Variants in SNX9 observed in about 807,000 individuals in gnomAD.
SNX9 encodes the protein sorting nexin 9.
A neutral mutation model predicts 89.4 loss-of-function variants in SNX9; 44 were observed. The observed-to-expected ratio is 0.49, with a 90% CI of 0.39 to 0.63. The LOEUF is 0.63. SNX9 is among the 30% of genes least tolerant of loss of function. The pLI is 0.00. For missense variants in SNX9, 578 were observed against 736.1 expected (o/e 0.79, Z 2.49); for synonymous variants, 236 against 247.8 (o/e 0.95, Z 0.45).
chr6:157,941,951 T>C (rs933655192), intron 17 of SNX9, among the ~76,000 whole-genome samples: 2 of 152,260 alleles, frequency 1.3e-5, no homozygotes, highest in Non-Finnish European at 2.9e-5. Context: ...TTGCCTTTCA[T>C]TGTATATTAG....
intron 1 of SNX9, among the ~76,000 whole-genome samples, chr6:157,837,822 G>A (rs1037264517): frequency 5.3e-5 from 8 of 152,296 alleles, no homozygotes; most frequent in African/African-American, 1.2e-4. Flanking sequence ...TGAAGCCGTC[G>A]TTGGCATTTA....
At chr6:157,844,409 G>T (rs570812429) in intron 1 of SNX9, among the ~76,000 whole-genome samples, 150 of 142,916 alleles carry the variant, frequency 1.0e-3, no homozygotes, top group African/African-American at 4.3e-3. Flanking sequence ...CTGGGTGGGG[G>T]CCACAAGATC....
intron 2 of SNX9, among the ~76,000 whole-genome samples, chr6:157,871,848 C>A (rs1195486547): frequency 2.7e-5 from 4 of 145,520 alleles, no homozygotes; most frequent in African/African-American, 1.0e-4. Context: ...GTGATCTTGG[C>A]TCACTGTAAC....
intron 7 of SNX9, among the ~76,000 whole-genome samples, chr6:157,909,153 T>C (rs187186194): frequency 8.5e-5 from 13 of 152,326 alleles, no homozygotes; most frequent in African/African-American, 2.6e-4. Flanking sequence ...CAAAGTATGG[T>C]CCACAGACCA....
At chr6:157,897,054 C>A in intron 5 of SNX9, 56 bp downstream of exon 5, 1 of 1,483,812 alleles carries the variant, frequency 6.7e-7, no homozygotes, top group Non-Finnish European at 9.0e-7. Flanking sequence ...GTGGGAGAGA[C>A]AGGGAAGACC....
intron 1 of SNX9, among the ~76,000 whole-genome samples, chr6:157,826,663 G>C (rs1254974974): frequency 1.5e-5 from 2 of 131,086 alleles, no homozygotes; most frequent in Admixed American, 7.2e-5. Context: ...TAATACAAAA[G>C]CTGCAGAGCA....
intron 1 of SNX9, among the ~76,000 whole-genome samples, chr6:157,844,600 G>GTTTTTTTGTT: frequency 7.6e-6 from 1 of 131,832 alleles, no homozygotes; most frequent in East Asian, 2.3e-4. Flanking sequence ...TTTTTTTTTT[G>GTTTTTTTGTT]TTTTTTTTTT....
intron 10 of SNX9, 44 bp from the exon 11 acceptor site, chr6:157,927,067 T>A (rs1209822802): frequency 5.4e-6 from 8 of 1,483,726 alleles, no homozygotes; most frequent in Non-Finnish European, 7.5e-6. Context: ...AAGACCAGTT[T>A]GACTGTGCTC....
chr6:157,932,243 CCA>C lies in SNX9; in HGVS notation c.1340_1341del (p.Thr447SerfsTer10). 1 of 1,614,192 alleles carries C rather than the reference CCA, an allele frequency of 6.2e-7. No homozygotes were observed. The highest frequency in any genetic ancestry group is 8.5e-7 in the Non-Finnish European group (1 of 1,180,020). ...ATAGGAAAGGCCTTGCAGAGTTTGG[CCA>C]CAGTGTTCAGTTCCAGTGGCTATCA... is the stretch of plus-strand genomic sequence containing the variant. On this transcript the variant is annotated frameshift_variant, in exon 13 of 18. Transcript: ENST00000392185. LOFTEE classifies it high-confidence loss of function.
chr6:157,853,499 A>T (rs1301947308), intron 1 of SNX9, among the ~76,000 whole-genome samples: 1 of 152,096 alleles, frequency 6.6e-6, no homozygotes, highest in Non-Finnish European at 1.5e-5. Flanking sequence ...ACAAATTGGA[A>T]ATTTTTGACA....
At chr6:157,857,098 A>G (rs150912990) in intron 1 of SNX9, among the ~76,000 whole-genome samples, 2 of 152,330 alleles carry the variant, frequency 1.3e-5, no homozygotes, top group Non-Finnish European at 2.9e-5. Flanking sequence ...CTACCATTCT[A>G]TAATGATGAC....
At chr6:157,933,488 A>C (rs565769697) in intron 13 of SNX9, among the ~76,000 whole-genome samples, 1 of 152,322 alleles carries the variant, frequency 6.6e-6, no homozygotes, top group African/African-American at 2.4e-5. Flanking sequence ...TGTAAGATTT[A>C]GGGCTCCCAC....
At chr6:157,846,938 T>C (rs1235775885) in intron 1 of SNX9, among the ~76,000 whole-genome samples, 1 of 152,124 alleles carries the variant, frequency 6.6e-6, no homozygotes, top group Non-Finnish European at 1.5e-5. Context: ...TCCCAGCTAC[T>C]TGGGAGGCTG....
intron 1 of SNX9, among the ~76,000 whole-genome samples, chr6:157,849,549 G>A (rs1197437802): frequency 6.6e-6 from 1 of 152,232 alleles, no homozygotes; most frequent in Non-Finnish European, 1.5e-5. Flanking sequence ...GGTGTGCAGA[G>A]GCTGGAGGAG....
chr6:157,855,474 T>A (rs958044891), intron 1 of SNX9, among the ~76,000 whole-genome samples: 3 of 152,200 alleles, frequency 2.0e-5, no homozygotes, highest in Admixed American at 1.3e-4. Context: ...GCCTCTTCTG[T>A]TAGCGCGATG....
intron 1 of SNX9, among the ~76,000 whole-genome samples, chr6:157,827,488 A>C (rs867946983): frequency 5.0e-4 from 12 of 23,768 alleles, no homozygotes; most frequent in East Asian, 1.4e-3. Flanking sequence ...ATAATATATA[A>C]ACTTATAGTT....
At chr6:157,829,944 C>CT (rs1404138255) in intron 1 of SNX9, among the ~76,000 whole-genome samples, 2 of 152,076 alleles carry the variant, frequency 1.3e-5, no homozygotes, top group African/African-American at 2.4e-5. Flanking sequence ...TTATAAGTCT[C>CT]TTTTTTCCAG....
intron 16 of SNX9, among the ~76,000 whole-genome samples, chr6:157,940,288 T>C (rs1356482626): frequency 2.0e-5 from 3 of 152,230 alleles, no homozygotes; most frequent in African/African-American, 7.2e-5. Context: ...GTATTTTCTA[T>C]TTGATCGATT....
chr6:157,921,380 A>T, intron 9 of SNX9, 151 bp from the exon 10 acceptor site: 1 of 675,398 alleles, frequency 1.5e-6, no homozygotes, highest in Non-Finnish European at 2.3e-6. Context: ...CTTGTTTTTT[A>T]GATTAGTTAA....
Sources: allele counts gnomAD v4.1 joint callset (sites outside exome capture counted in the v4.1 genomes callset), GRCh38; gene constraint gnomAD v4.1.1; transcripts MANE v1.5; gene names NCBI Gene and HGNC (gene_info 2026-07-23, HGNC 2026-07-21).